SIPA1L1: variants seen among roughly 807,000 people sequenced by gnomAD.
The protein encoded by SIPA1L1 is signal-induced proliferation-associated 1-like protein 1.
In SIPA1L1, 26 loss-of-function variants were observed where a neutral mutation model predicts 162.7. That is an observed-to-expected ratio of 0.16 (90% confidence interval 0.12 to 0.22). SIPA1L1 has a LOEUF of 0.22. SIPA1L1 is among the 10% of genes least tolerant of loss of function. SIPA1L1 has a pLI of 1.00. For synonymous variants in SIPA1L1, 829 were observed against 837.4 expected (o/e 0.99, Z 0.17); for missense variants, 1,874 against 2,241.0 (o/e 0.84, Z 3.31).
At chr14:71,464,122 G>GGGT (rs1259085289) in intron 2 of SIPA1L1, among the ~76,000 whole-genome samples, 2 of 152,180 alleles carry the variant, frequency 1.3e-5, no homozygotes, top group Non-Finnish European at 2.9e-5. Context: ...CATTGGTCAA[G>GGGT]GGTATATCTT....
intron 8 of SIPA1L1, among the ~76,000 whole-genome samples, chr14:71,656,806 A>C (rs1175163244): frequency 1.3e-5 from 2 of 152,198 alleles, no homozygotes; most frequent in Non-Finnish European, 2.9e-5. Context: ...AGCAGTACCT[A>C]ACGGCAGCGG....
At chr14:71,696,774 T>G (rs2081661538) in intron 13 of SIPA1L1, among the ~76,000 whole-genome samples, 1 of 152,220 alleles carries the variant, frequency 6.6e-6, no homozygotes, top group African/African-American at 2.4e-5. Flanking sequence ...ACACATAAAA[T>G]AACCATTCTG....
chr14:71,621,920 A>G (rs1400188499), intron 6 of SIPA1L1, among the ~76,000 whole-genome samples: 1 of 152,204 alleles, frequency 6.6e-6, no homozygotes, highest in African/African-American at 2.4e-5. Flanking sequence ...CTAATAATAA[A>G]TAATCCATAA....
intron 12 of SIPA1L1, among the ~76,000 whole-genome samples, chr14:71,674,639 A>G: frequency 1.4e-5 from 2 of 142,138 alleles, no homozygotes; most frequent in Non-Finnish European, 3.0e-5. Context: ...GTCTCGGCTC[A>G]CTGCAAGCTC....
At chr14:71,495,642 C>G (rs986617038) in intron 2 of SIPA1L1, among the ~76,000 whole-genome samples, 2 of 151,390 alleles carry the variant, frequency 1.3e-5, no homozygotes, top group South Asian at 2.1e-4. Flanking sequence ...GGGTTTTGCT[C>G]TAAACTTTAA....
At chr14:71,367,655 G>A (rs560769872) in intron 2 of SIPA1L1, among the ~76,000 whole-genome samples, 1 of 139,368 alleles carries the variant, frequency 7.2e-6, no homozygotes, top group African/African-American at 2.7e-5. Flanking sequence ...TTCTCAGGCT[G>A]GAGTGCAATG....
chr14:71,497,597 T>C (rs2049892768), intron 2 of SIPA1L1, among the ~76,000 whole-genome samples: 1 of 152,214 alleles, frequency 6.6e-6, no homozygotes, highest in South Asian at 2.1e-4. Context: ...GTTATATAAG[T>C]GGAGCCATAC....
At chr14:71,579,561 A>T (rs1017603526) in intron 4 of SIPA1L1, among the ~76,000 whole-genome samples, 12 of 152,234 alleles carry the variant, frequency 7.9e-5, no homozygotes, top group Admixed American at 5.2e-4. Flanking sequence ...ATAACGGTAC[A>T]GTCAGACAGA....
At chr14:71,687,057 G>A (rs1364590510) in intron 13 of SIPA1L1, among the ~76,000 whole-genome samples, 1 of 152,192 alleles carries the variant, frequency 6.6e-6, no homozygotes, top group African/African-American at 2.4e-5. Flanking sequence ...ATAAAACATT[G>A]TCACTTAACT....
intron 4 of SIPA1L1, among the ~76,000 whole-genome samples, chr14:71,564,644 C>T (rs1187864707): frequency 1.3e-5 from 2 of 151,888 alleles, no homozygotes; most frequent in Non-Finnish European, 2.9e-5. Context: ...TGTGCCACCA[C>T]GCCTGGCTAA....
chr14:71,447,630 C>T (rs778364338), intron 2 of SIPA1L1, among the ~76,000 whole-genome samples: 4 of 147,132 alleles, frequency 2.7e-5, no homozygotes, highest in Non-Finnish European at 5.9e-5. Flanking sequence ...GTGGCATGAT[C>T]TCTGCTGACT....
At chr14:71,368,155 TC>T (rs1305675169) in intron 2 of SIPA1L1, among the ~76,000 whole-genome samples, 275 of 147,142 alleles carry the variant, frequency 1.9e-3, no homozygotes, top group African/African-American at 6.1e-3. Context: ...TTTTTTTTTT[TC>T]TTTCTTTTTT....
intron 2 of SIPA1L1, among the ~76,000 whole-genome samples, chr14:71,479,381 A>G (rs201402403): frequency 2.0e-5 from 2 of 99,346 alleles, no homozygotes; most frequent in Non-Finnish European, 2.0e-5. Flanking sequence ...ATGTGTGTAT[A>G]TATGTATGTA....
At chr14:71,724,962 C>A in intron 19 of SIPA1L1, 127 bp downstream of exon 19, 2 of 782,022 alleles carry the variant, frequency 2.6e-6, no homozygotes, top group Non-Finnish European at 4.1e-6. Flanking sequence ...TCACTTCCTG[C>A]TATCATCCCA....
In SIPA1L1 at chr14:71,640,394, A is replaced by G. The variant is rs149924988; in HGVS notation, c.1819-9941A>G. Among the ~76,000 whole-genome samples the G allele has an allele frequency of 1.3e-3, 195 of 152,338 alleles. 1 individual carries two copies. Among genetic ancestry groups the G allele is most frequent in the Admixed American group, 0.01 (158 of 15,296 alleles). On this transcript the variant is annotated intron_variant, in intron 7 of 23. Transcript: ENST00000381232. ...AAAAAAATTTGAGAAATTGTAGTCT[A>G]TCAAGATTAACAATATCTTACAGTG... is the stretch of plus-strand genomic sequence containing the variant.
intron 14 of SIPA1L1, among the ~76,000 whole-genome samples, chr14:71,700,459 T>C (rs2081998171): frequency 6.6e-6 from 1 of 152,250 alleles, no homozygotes; most frequent in Non-Finnish European, 1.5e-5. Context: ...AATAGGATCA[T>C]AAATAGGTAT....
intron 7 of SIPA1L1, among the ~76,000 whole-genome samples, chr14:71,646,820 ACT>A (rs1227066422): frequency 1.3e-5 from 2 of 151,698 alleles, no homozygotes; most frequent in Admixed American, 6.5e-5. Context: ...TGTCATCATA[ACT>A]CTATTTTGAT....
chr14:71,320,956 C>T (rs1213369138), intron 1 of SIPA1L1, among the ~76,000 whole-genome samples, 166 bp from the exon 2 acceptor site: 1 of 152,014 alleles, frequency 6.6e-6, no homozygotes, highest in Non-Finnish European at 1.5e-5. Context: ...TTCCGGGTCC[C>T]CCTCGGAGCC....
intron 2 of SIPA1L1, among the ~76,000 whole-genome samples, chr14:71,425,623 T>G (rs981322132): frequency 1.1e-4 from 16 of 152,170 alleles, no homozygotes; most frequent in African/African-American, 3.4e-4. Context: ...AATTTGTGGC[T>G]TAGTATATGG....
Sources: allele counts gnomAD v4.1 joint callset (sites outside exome capture counted in the v4.1 genomes callset), GRCh38; gene constraint gnomAD v4.1.1; transcripts MANE v1.5; gene names NCBI Gene and HGNC (gene_info 2026-07-23, HGNC 2026-07-21).